CDH13: variants seen among roughly 807,000 people sequenced by gnomAD.
CDH13 encodes the protein cadherin 13.
A neutral mutation model predicts 63.8 loss-of-function variants in CDH13; 24 were observed. The observed-to-expected ratio is 0.38, with a 90% CI of 0.27 to 0.53. The LOEUF (loss-of-function observed/expected upper bound fraction) is 0.53, where lower values mean the gene tolerates loss of function less well. CDH13 is among the 20% of genes least tolerant of loss of function. The pLI, the probability that CDH13 is intolerant of heterozygous loss-of-function variation, is 0.85. For synonymous variants in CDH13, 503 were observed against 355.3 expected (o/e 1.42, Z -4.67); for missense variants, 1,049 against 903.1 (o/e 1.16, Z -2.07).
At chr16:83,618,979 T>C (rs1296125570) in intron 8 of CDH13, among the ~76,000 whole-genome samples, 2 of 152,248 alleles carry the variant, frequency 1.3e-5, no homozygotes, top group African/African-American at 4.8e-5. Flanking sequence ...TATCAGTTTT[T>C]CCAGTGTTGG....
chr16:82,695,820 A>G (rs1412342867), intron 1 of CDH13, among the ~76,000 whole-genome samples: 2 of 152,226 alleles, frequency 1.3e-5, no homozygotes, highest in Admixed American at 6.5e-5. Flanking sequence ...GGTTTGTAAG[A>G]CAGCACATTT....
intron 2 of CDH13, among the ~76,000 whole-genome samples, chr16:83,020,821 C>T (rs543752036): frequency 7.9e-5 from 12 of 152,314 alleles, no homozygotes; most frequent in African/African-American, 2.9e-4. Context: ...AATCACGAGA[C>T]TGTCAAGGCA....
intron 3 of CDH13, among the ~76,000 whole-genome samples, chr16:83,093,588 G>T (rs1369974892): frequency 1.3e-5 from 2 of 151,962 alleles, no homozygotes; most frequent in Non-Finnish European, 2.9e-5. Flanking sequence ...CCAAAGTGCT[G>T]GGATTACAGG....
chr16:83,238,699 C>G (rs1023211896), intron 5 of CDH13, among the ~76,000 whole-genome samples: 1 of 151,940 alleles, frequency 6.6e-6, no homozygotes, highest in Non-Finnish European at 1.5e-5. Flanking sequence ...AAAGTCAAAT[C>G]TTTCAGAAAT....
intron 1 of CDH13, among the ~76,000 whole-genome samples, chr16:82,631,432 A>G (rs200820653): frequency 1.3e-3 from 191 of 152,298 alleles, no homozygotes; most frequent in African/African-American, 4.5e-3. Flanking sequence ...TGAAAAGGAG[A>G]AGGAAATATC....
At chr16:83,074,116 A>G (rs1342485713) in intron 3 of CDH13, among the ~76,000 whole-genome samples, 2 of 152,138 alleles carry the variant, frequency 1.3e-5, no homozygotes, top group East Asian at 3.9e-4. Flanking sequence ...TTTGTACTTA[A>G]CTAATTTCTC....
intron 1 of CDH13, among the ~76,000 whole-genome samples, chr16:82,851,765 A>T (rs1373370111): frequency 6.6e-6 from 1 of 151,972 alleles, no homozygotes; most frequent in Non-Finnish European, 1.5e-5. Context: ...TGCCTTTGTA[A>T]ACCCTTCCAG....
chr16:82,639,528 A>T, intron 1 of CDH13: 2 of 1,116,190 alleles, frequency 1.8e-6, no homozygotes, highest in South Asian at 1.3e-5. Context: ...ATGCTAAGAA[A>T]CCCTGTTGCC....
At chr16:83,579,067 A>G (rs987373010) in intron 7 of CDH13, among the ~76,000 whole-genome samples, 1 of 152,220 alleles carries the variant, frequency 6.6e-6, no homozygotes, top group African/African-American at 2.4e-5. Context: ...TAAAATTCCC[A>G]TGTTTAAAGA....
rs1232153697 is a variant in CDH13, at chr16:83,483,805, T to C, written c.782-2672T>C. On this transcript the variant is annotated intron_variant, in intron 6 of 13. Transcript: ENST00000567109. ...TTAAGTTTGCCTAGATCAGGAAGTT[T>C]AATATGTGTCACATTTCACATCAGT... Among the ~76,000 whole-genome samples, 5 of 152,190 alleles carry C rather than the reference T, an allele frequency of 3.3e-5. No individual in the cohort carries two copies. The East Asian group carries it at 9.6e-4, about 29-fold the overall frequency.
intron 3 of CDH13, among the ~76,000 whole-genome samples, chr16:83,050,837 A>C (rs1251464672): frequency 6.6e-6 from 1 of 152,026 alleles, no homozygotes; most frequent in Admixed American, 6.6e-5. Flanking sequence ...TCCTAAGTGC[A>C]CGGTTTCTTG....
intron 1 of CDH13, among the ~76,000 whole-genome samples, chr16:82,675,427 C>G (rs530440852): frequency 6.6e-6 from 1 of 152,114 alleles, no homozygotes; most frequent in Non-Finnish European, 1.5e-5. Flanking sequence ...AGATGTCACA[C>G]ACAGTAAAAA....
intron 7 of CDH13, among the ~76,000 whole-genome samples, chr16:83,581,072 T>A (rs966424765): frequency 6.6e-6 from 1 of 152,208 alleles, no homozygotes; most frequent in African/African-American, 2.4e-5. Flanking sequence ...AGCCTTTGGT[T>A]TTGCATCTAT....
intron 3 of CDH13, among the ~76,000 whole-genome samples, chr16:83,092,922 T>C (rs1041790159): frequency 3.3e-5 from 5 of 152,224 alleles, no homozygotes; most frequent in Non-Finnish European, 7.3e-5. Flanking sequence ...AAGGTAACGG[T>C]ACTTTTGCGC....
At chr16:82,968,661 C>A (rs769502649) in intron 2 of CDH13, among the ~76,000 whole-genome samples, 2 of 152,176 alleles carry the variant, frequency 1.3e-5, no homozygotes, top group African/African-American at 4.8e-5. Flanking sequence ...TCCTCCCTGC[C>A]CCACCCAGGC....
intron 10 of CDH13, among the ~76,000 whole-genome samples, chr16:83,713,134 A>T (rs1468419664): frequency 6.6e-6 from 1 of 152,156 alleles, no homozygotes; most frequent in Non-Finnish European, 1.5e-5. Context: ...CATCTCTACC[A>T]CCTAGCAGCA....
intron 6 of CDH13, among the ~76,000 whole-genome samples, chr16:83,471,662 G>C (rs1048425855): frequency 6.6e-6 from 1 of 152,156 alleles, no homozygotes; most frequent in African/African-American, 2.4e-5. Context: ...AGCCTCCCCA[G>C]TGAGTAAACT....
intron 8 of CDH13, among the ~76,000 whole-genome samples, chr16:83,624,010 C>T (rs2150782071): frequency 6.6e-6 from 1 of 152,318 alleles, no homozygotes; most frequent in Non-Finnish European, 1.5e-5. Context: ...GGCATTGGTA[C>T]TCATCACTGG....
At chr16:83,780,981 C>T (rs758831874) in intron 12 of CDH13, among the ~76,000 whole-genome samples, 9 of 152,152 alleles carry the variant, frequency 5.9e-5, no homozygotes, top group Non-Finnish European at 4.4e-5. Flanking sequence ...TAGTCTTCAA[C>T]CTCCAACCTT....
Sources: allele counts gnomAD v4.1 joint callset (sites outside exome capture counted in the v4.1 genomes callset), GRCh38; gene constraint gnomAD v4.1.1; transcripts MANE v1.5; gene names NCBI Gene and HGNC (gene_info 2026-07-23, HGNC 2026-07-21).